Variants in TRPM6 observed in about 807,000 individuals in gnomAD.
TRPM6 encodes channel kinase 2.
A neutral mutation model predicts 247.6 loss-of-function variants in TRPM6; 111 were observed. The ratio of observed to expected loss-of-function variants is 0.45; its 90% CI spans 0.38 to 0.52. TRPM6 has a LOEUF of 0.52. TRPM6 is among the 20% of genes least tolerant of loss of function. The pLI, the probability that TRPM6 is intolerant of heterozygous loss-of-function variation, is 0.00. For synonymous variants in TRPM6, 892 were observed against 853.8 expected (o/e 1.04, Z -0.78); for missense variants, 2,126 against 2,421.5 (o/e 0.88, Z 2.56).
chr9:74,769,849 A>G (rs1826969357), intron 25 of TRPM6, among the ~76,000 whole-genome samples: 2 of 150,688 alleles, frequency 1.3e-5, no homozygotes, highest in South Asian at 4.2e-4. Context: ...CTGTGTCCAT[A>G]TAACTAGTAA....
At chr9:74,733,853 C>T (rs527732622) in intron 36 of TRPM6, among the ~76,000 whole-genome samples, 4 of 152,252 alleles carry the variant, frequency 2.6e-5, no homozygotes, top group East Asian at 1.9e-4. Context: ...CCACCATGCC[C>T]GGCCACATAC....
At chr9:74,876,233 G>A (rs752990320) in intron 1 of TRPM6, among the ~76,000 whole-genome samples, 2 of 152,092 alleles carry the variant, frequency 1.3e-5, no homozygotes, top group Non-Finnish European at 2.9e-5. Flanking sequence ...ACAGGCATGC[G>A]CCACCATGCC....
intron 5 of TRPM6, among the ~76,000 whole-genome samples, chr9:74,835,155 G>A (rs1032564108): frequency 3.8e-4 from 58 of 152,102 alleles, no homozygotes; most frequent in African/African-American, 1.4e-3. Context: ...ATCTCATTGT[G>A]GTTTTGATCT....
chr9:74,775,476 T>C (rs1827187078), intron 24 of TRPM6, among the ~76,000 whole-genome samples: 1 of 152,166 alleles, frequency 6.6e-6, no homozygotes, highest in African/African-American at 2.4e-5. Context: ...TCTTTTCTCT[T>C]AGACCCCAAG....
chr9:74,767,561 C>T (rs1048119423), intron 25 of TRPM6, among the ~76,000 whole-genome samples: 12 of 152,184 alleles, frequency 7.9e-5, no homozygotes, highest in South Asian at 4.1e-4. Context: ...CCCTCTTTCC[C>T]ATACCTCATT....
intron 19 of TRPM6, among the ~76,000 whole-genome samples, chr9:74,789,224 C>CT (rs1827805847): frequency 6.6e-6 from 1 of 152,190 alleles, no homozygotes; most frequent in African/African-American, 2.4e-5. Flanking sequence ...TTAAAATACT[C>CT]TGTTTAATAG....
At chr9:74,818,793 C>A (rs1156515400) in intron 9 of TRPM6, among the ~76,000 whole-genome samples, 3 of 151,824 alleles carry the variant, frequency 2.0e-5, no homozygotes, top group Non-Finnish European at 4.4e-5. Context: ...GTTATTGGGC[C>A]AACTAAAACC....
Position 74,762,982 on chromosome 9 carries a change from G to C in TRPM6, c.3689C>G (p.Thr1230Ser). 1.2e-6 allele frequency: 2 copies of C among 1,611,912 alleles called. No homozygotes were observed. The highest frequency in any genetic ancestry group is 2.2e-5 in the East Asian group (1 of 44,836). Reference sequence around the variant, plus strand: ...CAGGAGAGCCTCATCCTCTTGCAAAGTGTCAACAGCAGAAAGGACTTTCAG... The same window carrying C: ...CAGGAGAGCCTCATCCTCTTGCAAACTGTCAACAGCAGAAAGGACTTTCAG... ...DTLKVLSAVDTLQEDEALLAK... is the reference protein window; with the variant it reads ...DTLKVLSAVDSLQEDEALLAK... The change falls in exon 26 of 39, where the codon ACT (threonine) becomes AGT (serine). Residue 1230 changes from threonine (T) to serine (S), a missense_variant. By Grantham distance (58) the Thr-to-Ser change is moderately conservative (BLOSUM62 1). Coordinates refer to ENST00000360774, the MANE Select transcript of TRPM6 (RefSeq NM_017662.5).
intron 1 of TRPM6, among the ~76,000 whole-genome samples, chr9:74,876,401 G>A (rs775120981): frequency 8.5e-5 from 13 of 152,150 alleles, no homozygotes; most frequent in Non-Finnish European, 7.3e-5. Context: ...AATTTATTCA[G>A]CACTTTCTGT....
chr9:74,747,981 G>A, intron 30 of TRPM6, 67 bp from the exon 31 acceptor site: 1 of 1,416,382 alleles, frequency 7.1e-7, no homozygotes, highest in Non-Finnish European at 9.9e-7. Context: ...TCAAAAAAAG[G>A]AAACAGCACA....
intron 3 of TRPM6, among the ~76,000 whole-genome samples, chr9:74,852,485 G>T (rs186918180): frequency 3.0e-5 from 4 of 132,980 alleles, no homozygotes; most frequent in Non-Finnish European, 4.6e-5. Context: ...CTCCCTCTCC[G>T]TCTCCGTCTC....
intron 11 of TRPM6, 82 bp from the exon 12 acceptor site, chr9:74,812,515 AT>A: frequency 7.6e-7 from 1 of 1,318,700 alleles, no homozygotes; most frequent in Non-Finnish European, 1.1e-6. Context: ...TGAACTCAAA[AT>A]TACACAAACA....
chr9:74,814,249 A>T (rs1025154919), intron 11 of TRPM6, among the ~76,000 whole-genome samples: 4 of 152,162 alleles, frequency 2.6e-5, no homozygotes, highest in Admixed American at 6.5e-5. Flanking sequence ...CTGAAAATGA[A>T]AACAATTGAA....
chr9:74,841,281 C>A (rs1829930687), intron 4 of TRPM6, among the ~76,000 whole-genome samples: 1 of 152,150 alleles, frequency 6.6e-6, no homozygotes. Flanking sequence ...CCAGCAAATG[C>A]AGATCACTCA....
chr9:74,846,925 T>A (rs1056520679), intron 3 of TRPM6, among the ~76,000 whole-genome samples: 2 of 152,204 alleles, frequency 1.3e-5, no homozygotes, highest in Non-Finnish European at 2.9e-5. Context: ...CTTGGGTTTG[T>A]TTACACGTTC....
At chr9:74,811,416 T>C (rs1378729287) in intron 12 of TRPM6, among the ~76,000 whole-genome samples, 1 of 152,150 alleles carries the variant, frequency 6.6e-6, no homozygotes, top group Non-Finnish European at 1.5e-5. Flanking sequence ...GAATAAATCA[T>C]TGAAGAAAGA....
intron 3 of TRPM6, among the ~76,000 whole-genome samples, chr9:74,845,650 G>C (rs1830085928): frequency 6.6e-6 from 1 of 152,100 alleles, no homozygotes; most frequent in African/African-American, 2.4e-5. Context: ...GGGCAACATA[G>C]CAAAACCCTG....
At chr9:74,807,801 G>A (rs1828581176) in intron 14 of TRPM6, among the ~76,000 whole-genome samples, 1 of 152,044 alleles carries the variant, frequency 6.6e-6, no homozygotes, top group African/African-American at 2.4e-5. Flanking sequence ...TTTGTATTAT[G>A]GCTAGTTACT....
chr9:74,750,747 C>A (rs200570071), intron 29 of TRPM6, 25 bp from the exon 30 acceptor site: 18 of 1,612,130 alleles, frequency 1.1e-5, no homozygotes, highest in Non-Finnish European at 1.5e-5. Flanking sequence ...AAGGCCGTTA[C>A]GTGTGTGCTC....
Sources: allele counts gnomAD v4.1 joint callset (sites outside exome capture counted in the v4.1 genomes callset), GRCh38; gene constraint gnomAD v4.1.1; transcripts MANE v1.5; gene names NCBI Gene and HGNC (gene_info 2026-07-23, HGNC 2026-07-21).